The following PLCB4 variants were observed in gnomAD, a reference collection of about 807,000 sequenced individuals.
The protein encoded by PLCB4 is 1-phosphatidylinositol 4,5-bisphosphate phosphodiesterase beta-4.
Under a neutral mutation model 178.8 loss-of-function variants are expected in PLCB4, and 77 were observed. The ratio of observed to expected loss-of-function variants is 0.43; its 90% CI spans 0.36 to 0.52. The LOEUF (loss-of-function observed/expected upper bound fraction) is 0.52, where lower values mean the gene tolerates loss of function less well. Ranked by LOEUF, PLCB4 falls within the 20% of genes least tolerant of loss-of-function variation. The pLI, the probability that PLCB4 is intolerant of heterozygous loss-of-function variation, is 0.00. For synonymous variants in PLCB4, 496 were observed against 490.8 expected (o/e 1.01, Z -0.14); for missense variants, 1,024 against 1,453.4 (o/e 0.70, Z 4.80).
At chr20:9,148,585 C>T (rs374733984) in intron 2 of PLCB4, among the ~76,000 whole-genome samples, 23 of 152,134 alleles carry the variant, frequency 1.5e-4, no homozygotes, top group African/African-American at 5.3e-4. Context: ...GACTTCTGAG[C>T]GGAGAGTAAG....
At chr20:9,070,485 G>A (rs1011926178) in intron 1 of PLCB4, among the ~76,000 whole-genome samples, 1 of 152,172 alleles carries the variant, frequency 6.6e-6, no homozygotes, top group Non-Finnish European at 1.5e-5. Context: ...GGGGCATGTG[G>A]TGTAATCCCT....
chr20:9,087,429 A>ATTT (rs1555814628), intron 1 of PLCB4, among the ~76,000 whole-genome samples: 59 of 151,454 alleles, frequency 3.9e-4, no homozygotes, highest in Non-Finnish European at 7.1e-4. Context: ...ACTTTGAATG[A>ATTT]TTTTTTTTGG....
chr20:9,336,681 G>T (rs1040649765), intron 4 of PLCB4, among the ~76,000 whole-genome samples: 6 of 145,950 alleles, frequency 4.1e-5, no homozygotes, highest in Non-Finnish European at 1.5e-5. Context: ...AATGAGGTTA[G>T]ATAAAAAAGC....
chr20:9,469,610 G>T (rs757681276), intron 36 of PLCB4, among the ~76,000 whole-genome samples: 1 of 152,238 alleles, frequency 6.6e-6, no homozygotes, highest in Non-Finnish European at 1.5e-5. Flanking sequence ...CAAGGATGTG[G>T]TCTCACCTAG....
At chr20:9,293,781 G>C (rs1029075593) in intron 3 of PLCB4, among the ~76,000 whole-genome samples, 4 of 152,136 alleles carry the variant, frequency 2.6e-5, no homozygotes, top group African/African-American at 9.7e-5. Context: ...TCTTCAAAGG[G>C]GGAAGCACAA....
intron 2 of PLCB4, among the ~76,000 whole-genome samples, chr20:9,154,916 C>CTTCCTTCA (rs773595528): frequency 5.4e-4 from 65 of 119,870 alleles, no homozygotes; most frequent in Non-Finnish European, 8.4e-4. Context: ...TCCTTCCTTC[C>CTTCCTTCA]TTCCTTCCTT....
At chr20:9,168,335 C>G (rs1246162460) in intron 2 of PLCB4, among the ~76,000 whole-genome samples, 1 of 152,132 alleles carries the variant, frequency 6.6e-6, no homozygotes, top group Non-Finnish European at 1.5e-5. Flanking sequence ...GTGTGCAAGG[C>G]TTAATGTTGC....
intron 30 of PLCB4, among the ~76,000 whole-genome samples, chr20:9,443,315 A>G (rs1435262980): frequency 6.6e-6 from 1 of 152,232 alleles, no homozygotes; most frequent in Non-Finnish European, 1.5e-5. Flanking sequence ...GTTGGGAATT[A>G]GTTGACTGGC....
chr20:9,154,909 T>TTCCTTCCTTCCG, intron 2 of PLCB4, among the ~76,000 whole-genome samples: 1 of 67,164 alleles, frequency 1.5e-5, no homozygotes, highest in Non-Finnish European at 2.9e-5. Flanking sequence ...CCTTCCCTCC[T>TTCCTTCCTTCCG]TCCTTCCTTC....
At chr20:9,372,251 C>A in intron 10 of PLCB4, 52 bp from the exon 11 acceptor site, 2 of 1,051,236 alleles carry the variant, frequency 1.9e-6, no homozygotes, top group Non-Finnish European at 2.9e-6. Flanking sequence ...GCTTCTCACC[C>A]TCCAAGGGAA....
intron 2 of PLCB4, among the ~76,000 whole-genome samples, chr20:9,159,517 A>G (rs2146971819): frequency 6.6e-6 from 1 of 152,302 alleles, no homozygotes; most frequent in Admixed American, 6.5e-5. Context: ...ACCTCTTTAA[A>G]AGCAATTCAT....
intron 2 of PLCB4, among the ~76,000 whole-genome samples, chr20:9,197,538 C>T (rs1447109498): frequency 1.3e-5 from 2 of 152,270 alleles, no homozygotes; most frequent in South Asian, 2.1e-4. Context: ...TTTACCTTGT[C>T]GAATGTGGCA....
chr20:9,465,387 CCT>C (rs2043702427), intron 35 of PLCB4, among the ~76,000 whole-genome samples: 1 of 152,268 alleles, frequency 6.6e-6, no homozygotes, highest in South Asian at 2.1e-4. Flanking sequence ...ACAAGGATGC[CCT>C]CTGTCACCAC....
intron 2 of PLCB4, among the ~76,000 whole-genome samples, chr20:9,195,552 A>G (rs2093461079): frequency 6.6e-6 from 1 of 152,052 alleles, no homozygotes; most frequent in Admixed American, 6.6e-5. Context: ...GAAATGGTGA[A>G]TTCTTCTCTT....
intron 2 of PLCB4, among the ~76,000 whole-genome samples, chr20:9,102,829 T>C (rs763471694): frequency 2.6e-5 from 4 of 152,162 alleles, no homozygotes; most frequent in Non-Finnish European, 5.9e-5. Context: ...TCTCCTGCCA[T>C]GTTCTCTGGG....
intron 2 of PLCB4, among the ~76,000 whole-genome samples, chr20:9,154,115 T>G (rs947420088): frequency 2.6e-5 from 4 of 152,136 alleles, no homozygotes; most frequent in African/African-American, 9.7e-5. Context: ...AAAGTTCGGT[T>G]TAGGCCATCA....
At chr20:9,200,930 G>C (rs537069925) in intron 2 of PLCB4, among the ~76,000 whole-genome samples, 2 of 152,150 alleles carry the variant, frequency 1.3e-5, no homozygotes, top group East Asian at 3.9e-4. Context: ...TTCATGGAAA[G>C]ACATTTAATT....
At chr20:9,165,216 T>C (rs533646119) in intron 2 of PLCB4, among the ~76,000 whole-genome samples, 6 of 152,340 alleles carry the variant, frequency 3.9e-5, no homozygotes, top group African/African-American at 1.4e-4. Flanking sequence ...TGCTGTTTCT[T>C]ATATGTTCTA....
At chr20:9,138,553 A>G (rs903528538) in intron 2 of PLCB4, among the ~76,000 whole-genome samples, 10 of 152,204 alleles carry the variant, frequency 6.6e-5, no homozygotes, top group African/African-American at 2.2e-4. Flanking sequence ...GTGTGCACTT[A>G]TACTAAATTT....
Sources: gnomAD v4.1 joint callset for allele counts (sites outside exome capture counted in the v4.1 genomes callset) on GRCh38, gnomAD v4.1.1 for gene constraint, MANE v1.5 for transcripts, NCBI Gene and HGNC (gene_info 2026-07-23, HGNC 2026-07-21) for gene names.